TPH2: variants seen among roughly 807,000 people sequenced by gnomAD.
TPH2 encodes the protein tryptophan hydroxylase 2.
A neutral mutation model predicts 59.1 loss-of-function variants in TPH2; 27 were observed. That is an observed-to-expected ratio of 0.46 (90% confidence interval 0.34 to 0.63). The LOEUF is 0.63. Ranked by LOEUF, TPH2 falls within the 30% of genes least tolerant of loss-of-function variation. TPH2 has a pLI of 0.01. For missense variants in TPH2, 523 were observed against 588.3 expected (o/e 0.89, Z 1.15); for synonymous variants, 220 against 210.5 (o/e 1.05, Z -0.39).
At chr12:72,009,310 C>T (rs1873038269) in intron 8 of TPH2, among the ~76,000 whole-genome samples, 1 of 152,098 alleles carries the variant, frequency 6.6e-6, no homozygotes, top group South Asian at 2.1e-4. Context: ...CTCTTGGTAG[C>T]CAAAGCCAGA....
At chr12:71,972,485 G>T in intron 5 of TPH2, 34 bp from the exon 6 acceptor site, 1 of 1,607,760 alleles carries the variant, frequency 6.2e-7, no homozygotes, top group Non-Finnish European at 8.5e-7. Flanking sequence ...GTGATTCAAA[G>T]TTAGATTCAT....
At chr12:71,971,190 G>T (rs1055115441) in intron 5 of TPH2, among the ~76,000 whole-genome samples, 2 of 152,192 alleles carry the variant, frequency 1.3e-5, no homozygotes, top group Non-Finnish European at 2.9e-5. Flanking sequence ...CTGAGTGACA[G>T]TTGCTGTCTA....
intron 5 of TPH2, among the ~76,000 whole-genome samples, chr12:71,951,959 A>G (rs2139186525): frequency 6.6e-6 from 1 of 152,278 alleles, no homozygotes; most frequent in East Asian, 1.9e-4. Flanking sequence ...TGGGAGGCAG[A>G]GGTTGCAGTG....
In TPH2 at chr12:71,961,800, G is replaced by GAAAAATAAAA. The variant is rs1871691953; in HGVS notation, c.609-10718_609-10717insAAAATAAAAA. 5.8e-6 allele frequency: 7 copies of GAAAAATAAAA among 1,214,076 alleles called. No homozygotes were observed. The Admixed American group carries it at 1.3e-4, about 23-fold the overall frequency. The allele number at this position is 1,214,076 out of a possible 1,614,324, so 75.2% of individuals were successfully genotyped here. On this transcript the variant is annotated intron_variant, in intron 5 of 10. Coordinates refer to ENST00000333850, the MANE Select transcript of TPH2 (RefSeq NM_173353.4). ...GGAAGCCCTATCCTGTGGTGCACAG[G>GAAAAATAAAA]ACAAATAAAAACAAATAATTTCTAG...
rs148310061 is a variant in TPH2 at position 72,015,420 on chromosome 12, C to T, written c.1069-6979C>T. Among the ~76,000 whole-genome samples the T allele has an allele frequency of 2.4e-4, 35 of 148,626 alleles. No homozygotes were observed. In the East Asian group the frequency reaches 6.1e-3, roughly 26 times the overall value. On this transcript the variant is annotated intron_variant, in intron 8 of 10. Transcript: ENST00000333850. ...CTGCAAGCTCTGCCTTCCGGGTTCA[C>T]GCCATTCTCCTGTCTCAGCCTCCTC... is the stretch of plus-strand genomic sequence containing the variant.
chr12:72,009,470 A>G (rs753767417), intron 8 of TPH2, among the ~76,000 whole-genome samples: 7 of 152,242 alleles, frequency 4.6e-5, no homozygotes, highest in Non-Finnish European at 1.0e-4. Flanking sequence ...GTAATATTAC[A>G]TAGTATTTTG....
rs527910904 is a variant in TPH2, at chr12:71,939,688, G to C, written c.105+597G>C. Among the ~76,000 whole-genome samples the C allele has an allele frequency of 2.6e-5, 4 of 152,232 alleles. No homozygotes were observed. In the South Asian group the frequency reaches 8.3e-4, roughly 32 times the overall value. On this transcript the variant is annotated intron_variant, in intron 1 of 10. Coordinates refer to ENST00000333850, the MANE Select transcript of TPH2 (RefSeq NM_173353.4). ...CAGTTTACTTGATGGAATAATGAAA[G>C]CAATACACCACTTGCTATAGTATTT...
intron 8 of TPH2, among the ~76,000 whole-genome samples, chr12:72,015,735 C>A: frequency 6.6e-6 from 1 of 152,136 alleles, no homozygotes; most frequent in Non-Finnish European, 1.5e-5. Context: ...CCCCTAACAG[C>A]ACAGATGCTT....
In TPH2 at chr12:72,016,559, T is replaced by C. The variant is rs547695992; in HGVS notation, c.1069-5840T>C. On this transcript the variant is annotated intron_variant, in intron 8 of 10. Transcript: ENST00000333850. Reference sequence around the variant, plus strand: ...TTATGTTTGGCACATCTCAAACCAATCTCAAATCCATCTTAAAAGGGCCCT... The same window carrying C: ...TTATGTTTGGCACATCTCAAACCAACCTCAAATCCATCTTAAAAGGGCCCT... Among the ~76,000 whole-genome samples the C allele has an allele frequency of 2.6e-5, 4 of 152,296 alleles. No homozygotes were observed. The East Asian group carries it at 7.8e-4, about 30-fold the overall frequency.
intron 4 of TPH2, among the ~76,000 whole-genome samples, chr12:71,946,404 T>A (rs974296268): frequency 6.6e-6 from 1 of 152,176 alleles, no homozygotes; most frequent in Non-Finnish European, 1.5e-5. Flanking sequence ...TAGGAACCAC[T>A]GACCTTGCTG....
At chr12:71,980,915 A>G (rs1872257035) in intron 7 of TPH2, among the ~76,000 whole-genome samples, 1 of 152,232 alleles carries the variant, frequency 6.6e-6, no homozygotes, top group African/African-American at 2.4e-5. Flanking sequence ...AGAGATAAAT[A>G]AAATATAGTA....
At chr12:71,948,302 A>G (rs980388722) in intron 4 of TPH2, among the ~76,000 whole-genome samples, 6 of 152,094 alleles carry the variant, frequency 3.9e-5, no homozygotes, top group African/African-American at 1.4e-4. Context: ...CTCCCAATTC[A>G]CAGTAAAAGA....
intron 6 of TPH2, among the ~76,000 whole-genome samples, chr12:71,978,183 A>T (rs567666998): frequency 2.6e-5 from 4 of 151,754 alleles, no homozygotes; most frequent in African/African-American, 9.7e-5. Flanking sequence ...GCAATGCACG[A>T]CTCTATACAA....
chr12:71,995,166 T>A (rs1231332924), intron 8 of TPH2, among the ~76,000 whole-genome samples: 1 of 152,162 alleles, frequency 6.6e-6, no homozygotes, highest in African/African-American at 2.4e-5. Context: ...ATTTAATGGA[T>A]GTTATAGTAT....
chr12:72,030,941 A>G (rs1220518753), intron 9 of TPH2, among the ~76,000 whole-genome samples: 2 of 152,142 alleles, frequency 1.3e-5, no homozygotes, highest in East Asian at 3.9e-4. Flanking sequence ...TAGATTTAAA[A>G]TCCCATTTCT....
At chr12:72,031,443 C>T (rs960090790) in intron 10 of TPH2, 52 bp downstream of exon 10, 2 of 1,612,732 alleles carry the variant, frequency 1.2e-6, no homozygotes, top group Non-Finnish European at 1.7e-6. Context: ...ATTTTTCTGT[C>T]TCTATTCCTT....
At chr12:71,947,177 C>G (rs980746134) in intron 4 of TPH2, among the ~76,000 whole-genome samples, 1 of 152,144 alleles carries the variant, frequency 6.6e-6, no homozygotes, top group Non-Finnish European at 1.5e-5. Context: ...AATGTTCCAG[C>G]TCAGCGATTC....
chr12:71,944,482 G>T lies in TPH2; in HGVS notation c.439+5G>T. On this transcript the variant is annotated splice_donor_5th_base_variant and intron_variant, in intron 3 of 10. Transcript: ENST00000333850. ...ACATTTGGACAGAGGAAGAAGGCAA[G>T]GGTGGTCTTAGCTTGTCGGGTAACT... 1 of 1,613,954 alleles carries T rather than the reference G, an allele frequency of 6.2e-7. No homozygotes were observed. The highest frequency in any genetic ancestry group is 8.5e-7 in the Non-Finnish European group (1 of 1,179,870).
chr12:71,987,892 A>C (rs1186068321), intron 7 of TPH2, among the ~76,000 whole-genome samples: 1 of 152,102 alleles, frequency 6.6e-6, no homozygotes. Context: ...GAAATCTTAC[A>C]ATCTCCACTT....
Sources: gnomAD v4.1 joint callset for allele counts (sites outside exome capture counted in the v4.1 genomes callset) on GRCh38, gnomAD v4.1.1 for gene constraint, MANE v1.5 for transcripts, NCBI Gene and HGNC (gene_info 2026-07-23, HGNC 2026-07-21) for gene names.